The following WDR31 variants were observed in gnomAD, a reference collection of about 807,000 sequenced individuals.
The protein encoded by WDR31 is WD repeat-containing protein 31.
WDR31 carries 30 observed loss-of-function variants against 47.3 expected under a neutral mutation model. That is an observed-to-expected ratio of 0.63 (90% CI 0.47 to 0.86). The LOEUF is 0.86. Among genes scored for constraint, WDR31 ranks in the 40% least tolerant of loss-of-function variants. The pLI, the probability that WDR31 is intolerant of heterozygous loss-of-function variation, is 0.00. For missense variants in WDR31, 406 were observed against 442.9 expected, an observed-to-expected ratio of 0.92 and a Z score of 0.75; for synonymous variants, 137 against 159.4, an observed-to-expected ratio of 0.86 and a Z score of 1.06.
rs377065543 is a variant in WDR31, at chr9:113,331,143, C to A, written c.117-27G>T. The A allele has an allele frequency of 2.6e-4, 385 of 1,472,194 alleles. 1 individual carries two copies. The highest frequency in any genetic ancestry group is 6.6e-4 in the South Asian group (47 of 70,722). The allele number at this position is 1,472,194 out of a possible 1,614,324, so 91.2% of individuals were successfully genotyped here. On this transcript the variant is annotated intron_variant, in intron 3 of 10. Transcript: ENST00000374193. Reference sequence around the variant, plus strand: ...TAAAAAGAGTATAGAAAATGAGAGACCCAATGGCATGGGAGTGGATGGGGG... The same window carrying A: ...TAAAAAGAGTATAGAAAATGAGAGAACCAATGGCATGGGAGTGGATGGGGG...
intron 8 of WDR31, among the ~76,000 whole-genome samples, chr9:113,321,093 C>A (rs762117297): frequency 6.6e-6 from 1 of 152,218 alleles, no homozygotes; most frequent in South Asian, 2.1e-4. Flanking sequence ...TCCCCTGATG[C>A]TGATTTCAAC....
chr9:113,327,367 C>T lies in WDR31; in HGVS notation c.324+1514G>A, dbSNP rs528218690. 5.9e-4 allele frequency among the ~76,000 whole-genome samples: 90 copies of T among 151,972 alleles called. 2 individuals are homozygous for T. In the South Asian group the frequency reaches 9.7e-3, roughly 16 times the overall value. ...TTTCATCTTTGAATGAGGATAAGTC[C>T]AATTTTTGGCAGTAAATCCAATAAG... On this transcript the variant is annotated intron_variant, in intron 5 of 10. Transcript: ENST00000374193.
At chr9:113,322,780 G>T (rs368296182) in intron 7 of WDR31, 31 bp downstream of exon 7, 57 of 1,608,380 alleles carry the variant, frequency 3.5e-5, no homozygotes, top group Non-Finnish European at 4.8e-5. Context: ...CCTTTCTGCT[G>T]CCCTGTTCTG....
chr9:113,318,406 G>T, intron 10 of WDR31, 69 bp downstream of exon 10: 1 of 1,581,136 alleles, frequency 6.3e-7, no homozygotes. Context: ...GCAATGGGAA[G>T]AAGGAGTTTT....
intron 2 of WDR31, among the ~76,000 whole-genome samples, chr9:113,333,977 C>T (rs1233614341): frequency 6.6e-6 from 1 of 151,652 alleles, no homozygotes; most frequent in Non-Finnish European, 1.5e-5. Context: ...TCTCCTCCTT[C>T]TCCTTCTTCT....
intron 2 of WDR31, among the ~76,000 whole-genome samples, chr9:113,333,815 A>T (rs1833654183): frequency 1.3e-5 from 2 of 152,108 alleles, no homozygotes; most frequent in African/African-American, 4.8e-5. Flanking sequence ...AGCAGTTCTT[A>T]AAGTGTGATC....
intron 1 of WDR31, among the ~76,000 whole-genome samples, chr9:113,337,288 A>C (rs1046719255): frequency 6.6e-6 from 1 of 151,992 alleles, no homozygotes; most frequent in Non-Finnish European, 1.5e-5. Flanking sequence ...GGTACCAGGA[A>C]CTGCTCTATG....
intron 9 of WDR31, 39 bp downstream of exon 9, chr9:113,320,318 A>C: frequency 6.2e-7 from 1 of 1,609,554 alleles, no homozygotes; most frequent in Non-Finnish European, 8.5e-7. Context: ...TGATCTGTTC[A>C]TCAGCAACCA....
rs960702109 is a variant in WDR31 at position 113,316,585 on chromosome 9, T to A, written c.*164A>T. 3.7e-6 allele frequency: 3 copies of A among 808,554 alleles called. No individual in the cohort carries two copies. The highest frequency in any genetic ancestry group is 5.6e-6 in the Non-Finnish European group (3 of 533,786). The allele number at this position is 808,554 out of a possible 1,614,324, so 50.1% of individuals were successfully genotyped here. On this transcript the variant is annotated 3_prime_UTR_variant, in exon 11 of 11. Transcript: ENST00000374193. ...GACTCTATACCTGATTTTGAATCAC[T>A]GGACTTAAATTATTGGACTTACAAC... is the stretch of plus-strand genomic sequence containing the variant.
chr9:113,320,207 T>G (rs1833294705), intron 9 of WDR31, 150 bp downstream of exon 9: 1 of 1,042,216 alleles, frequency 9.6e-7, no homozygotes. Flanking sequence ...ATGAAGCAAC[T>G]GGAATGCAAA....
At chr9:113,318,309 CA>C (rs372162050) in intron 10 of WDR31, among the ~76,000 whole-genome samples, 165 bp downstream of exon 10, 1 of 152,300 alleles carries the variant, frequency 6.6e-6, no homozygotes, top group Admixed American at 6.5e-5. Context: ...AACATGGTAC[CA>C]GGGGATACAG....
intron 7 of WDR31, 77 bp downstream of exon 7, chr9:113,322,734 T>C: frequency 6.8e-6 from 10 of 1,468,004 alleles, no homozygotes; most frequent in Non-Finnish European, 9.3e-6. Context: ...ATGGGCCTCC[T>C]GATTTATCTC....
intron 10 of WDR31, 101 bp downstream of exon 10, chr9:113,318,374 A>T (rs1833253579): frequency 7.3e-7 from 1 of 1,373,032 alleles, no homozygotes; most frequent in Non-Finnish European, 1.0e-6. Flanking sequence ...GTGGCAGAAG[A>T]TGGGTGGCTT....
At chr9:113,335,217 T>G (rs1833690590) in intron 2 of WDR31, among the ~76,000 whole-genome samples, 3 of 152,194 alleles carry the variant, frequency 2.0e-5, no homozygotes. Context: ...AGGGAACACC[T>G]CCTAAGCACC....
chr9:113,318,576 A>G lies in WDR31; in HGVS notation c.842T>C (p.Val281Ala). ...TCTTGGTAGAAAGACGCAGGATGCG[A>G]CAGTCTGGAAATGCCCCTTATACTC... ...ICEYKGHFQT[V>A]ASCVFLPRAL... The change falls in exon 10 of 11, where the codon GTC (valine) becomes GCC (alanine). Residue 281 changes from valine (V) to alanine (A), a missense_variant. By Grantham distance (64) the Val-to-Ala change is moderately conservative. Transcript: ENST00000374193. 1 of 1,614,218 alleles carries G rather than the reference A, an allele frequency of 6.2e-7. No individual in the cohort carries two copies. Among genetic ancestry groups the G allele is most frequent in the Non-Finnish European group, 8.5e-7 (1 of 1,180,036 alleles).
At chr9:113,317,314 G>A (rs988780652) in intron 10 of WDR31, among the ~76,000 whole-genome samples, 22 of 152,140 alleles carry the variant, frequency 1.4e-4, no homozygotes, top group African/African-American at 4.1e-4. Context: ...GGGAGAGCCC[G>A]AAAGGCAGTC....
chr9:113,325,115 CTT>C (rs112946694), intron 5 of WDR31, among the ~76,000 whole-genome samples: 2 of 144,768 alleles, frequency 1.4e-5, no homozygotes, highest in African/African-American at 5.0e-5. Flanking sequence ...CTGGCTAATT[CTT>C]TTTTTTTTTT....
intron 3 of WDR31, among the ~76,000 whole-genome samples, chr9:113,331,647 A>T (rs1291709748): frequency 6.6e-6 from 1 of 152,288 alleles, no homozygotes; most frequent in Non-Finnish European, 1.5e-5. Context: ...GGGTTTCGCC[A>T]TGTTGCCAAG....
chr9:113,330,835 G>A, intron 4 of WDR31, 149 bp downstream of exon 4: 1 of 881,520 alleles, frequency 1.1e-6, no homozygotes, highest in Non-Finnish European at 1.6e-6. Flanking sequence ...TGGCCAAGCA[G>A]GGATTTAAAT....
Sources: gnomAD v4.1 joint callset for allele counts (sites outside exome capture counted in the v4.1 genomes callset) on GRCh38, gnomAD v4.1.1 for gene constraint, MANE v1.5 for transcripts, NCBI Gene and HGNC (gene_info 2026-07-23, HGNC 2026-07-21) for gene names.